The following OTOG variants were observed in gnomAD, a reference collection of about 807,000 sequenced individuals.
The protein encoded by OTOG is otogelin.
A neutral mutation model predicts 313.8 loss-of-function variants in OTOG; 296 were observed. That is an observed-to-expected ratio of 0.94 (90% CI 0.86 to 1.04). OTOG has a LOEUF of 1.04. OTOG is among the 50% of genes least tolerant of loss of function. The probability of loss-of-function intolerance (pLI) is 0.00; values close to 1 mark genes in which losing one functional copy is unlikely to be tolerated. For missense variants in OTOG, 3,948 were observed against 3,840.1 expected (o/e 1.03, Z -0.74); for synonymous variants, 1,533 against 1,554.9 (o/e 0.99, Z 0.33).
At chr11:17,555,312 G>T (rs1299459545) in intron 6 of OTOG, among the ~76,000 whole-genome samples, 1 of 152,110 alleles carries the variant, frequency 6.6e-6, no homozygotes, top group Non-Finnish European at 1.5e-5. Context: ...GGGCATGGGG[G>T]AAGGGGAGTG....
rs764439865 is a variant in OTOG at position 17,608,400 on chromosome 11, C to T, written c.4261C>T (p.Arg1421Trp). Residue 1421 changes from arginine to tryptophan, a missense_variant, in exon 34 of 56, where the codon CGG becomes TGG. Arg to Trp is a moderately radical substitution (Grantham distance 101). Transcript: ENST00000399397. ...TCRDPRAASC[R>W]DVPRVEGCVP... ...CCGGGACCCACGGGCAGCCAGCTGC[C>T]GGGACGTACCCAGGTGAGATGCCAG... 3.3e-4 allele frequency: 515 copies of T among 1,541,278 alleles called. No individual in the cohort carries two copies. The highest frequency in any genetic ancestry group is 4.3e-4 in the Non-Finnish European group (496 of 1,143,288).
In OTOG at chr11:17,586,459, G is replaced by T. The variant is rs1223190797; in HGVS notation, c.2760-15G>T. 1 of 1,349,318 alleles carries T rather than the reference G, an allele frequency of 7.4e-7. No individual in the cohort carries two copies. The highest frequency in any genetic ancestry group is 9.6e-7 in the Non-Finnish European group (1 of 1,040,230). The allele number at this position is 1,349,318 out of a possible 1,614,324, so 83.6% of individuals were successfully genotyped here. On this transcript the variant is annotated splice_polypyrimidine_tract_variant and intron_variant, in intron 23 of 55. Coordinates refer to ENST00000399397, the MANE Select transcript of OTOG (RefSeq NM_001292063.2). ...AGAGTGCTCTCCTGACCGCCTGCTT[G>T]CTGTGTCTCTACAGTCTGCTCAGAC...
rs1015941658 is a variant in OTOG at position 17,610,006 on chromosome 11, C to T, written c.4706C>T (p.Ser1569Phe). The change falls in exon 36 of 56, where the codon TCC becomes TTC. Residue 1569 changes from serine (S) to phenylalanine (F), a missense_variant. Coordinates refer to ENST00000399397, the MANE Select transcript of OTOG (RefSeq NM_001292063.2). ...LAIPHTPESS[S>F]LPVALQTPTP... The stretch of plus-strand genomic sequence containing the variant: ...ATCCCCCATACACCAGAGTCCTCAT[C>T]CCTCCCTGTTGCACTGCAGACACCC... 4 of 1,544,632 alleles carry T rather than the reference C, an allele frequency of 2.6e-6. No individual in the cohort carries two copies. Among genetic ancestry groups the T allele is most frequent in the Non-Finnish European group, 3.5e-6 (4 of 1,142,986 alleles).
chr11:17,629,161 C>A lies in OTOG; in HGVS notation c.6557C>A (p.Pro2186Gln), dbSNP rs1378589202. The A allele has an allele frequency of 6.5e-7, 1 of 1,550,288 alleles. No homozygotes were observed. The highest frequency in any genetic ancestry group is 1.4e-5 in the African/African-American group (1 of 73,012). The change falls in exon 40 of 56, where the codon CCA becomes CAA. Residue 2186 changes from proline (P) to glutamine (Q), a missense_variant. Transcript: ENST00000399397. Reference protein sequence around the residue: ...KVTVDLQPVWPPVSRYGFRIE... With the variant: ...KVTVDLQPVWQPVSRYGFRIE... Reference sequence around the variant, plus strand: ...ACTGTGGACTTGCAGCCTGTGTGGCCACCGGTGAGCAGGTATGGATTCAGA... The same window carrying A: ...ACTGTGGACTTGCAGCCTGTGTGGCAACCGGTGAGCAGGTATGGATTCAGA...
In OTOG at chr11:17,605,699, G is replaced by A. The variant is rs578065272; in HGVS notation, c.3878-158G>A. 6.6e-5 allele frequency among the ~76,000 whole-genome samples: 10 copies of A among 152,256 alleles called. No individual in the cohort carries two copies. In the South Asian group the frequency reaches 1.5e-3, roughly 22 times the overall value. On this transcript the variant is annotated intron_variant, in intron 32 of 55. Transcript: ENST00000399397. ...GTGTGAGGGGCAGCTGGCAGGCAGA[G>A]TAGGTGGGCTGGGGGCTGGTGTAGG... is the stretch of plus-strand genomic sequence containing the variant.
chr11:17,551,954 C>T (rs1055083145), intron 3 of OTOG, 46 bp from the exon 4 acceptor site: 1 of 1,525,566 alleles, frequency 6.6e-7, no homozygotes, highest in Non-Finnish European at 8.9e-7. Context: ...GGGAACCCGT[C>T]CTGAGGTCAG....
At chr11:17,586,826 T>G (rs1852804932) in intron 24 of OTOG, among the ~76,000 whole-genome samples, 2 of 152,238 alleles carry the variant, frequency 1.3e-5, no homozygotes, top group Non-Finnish European at 2.9e-5. Flanking sequence ...ACATGCATAT[T>G]TGTAACCATG....
chr11:17,572,410 C>T (rs1852424467), intron 18 of OTOG, among the ~76,000 whole-genome samples: 1 of 152,218 alleles, frequency 6.6e-6, no homozygotes, highest in South Asian at 2.1e-4. Flanking sequence ...ATCAGATATA[C>T]ACACACACCT....
rs372605187 is a variant in OTOG at position 17,624,653 on chromosome 11, T to C, written c.6529-4480T>C. On this transcript the variant is annotated intron_variant, in intron 39 of 55. Transcript: ENST00000399397. Reference sequence around the variant, plus strand: ...CTATTCGGGCTCATTTTTGGTTCCATATGAATTTTAAAATAGTTTTTTTTT... The same window carrying C: ...CTATTCGGGCTCATTTTTGGTTCCACATGAATTTTAAAATAGTTTTTTTTT... Among the ~76,000 whole-genome samples the C allele has an allele frequency of 4.6e-5, 7 of 152,224 alleles. No individual in the cohort carries two copies. The East Asian group carries it at 1.3e-3, about 29-fold the overall frequency.
rs539771948 is a variant in OTOG at position 17,634,400 on chromosome 11, G to A, written c.7480+119G>A. 35 of 1,131,912 alleles carry A rather than the reference G, an allele frequency of 3.1e-5. 2 individuals are homozygous for A. The African/African-American group carries it at 4.5e-4, about 14-fold the overall frequency. 70.1% of individuals were successfully genotyped at this position (1,131,912 alleles called of 1,614,324 possible). The stretch of plus-strand genomic sequence containing the variant: ...TAGGAAAAGCAAAGTGTCTTGTAGG[G>A]GGTGAGCTTGGAGGAGGGGAGAACC... On this transcript the variant is annotated intron_variant, in intron 44 of 55. Coordinates refer to ENST00000399397, the MANE Select transcript of OTOG (RefSeq NM_001292063.2).
At chr11:17,570,122 T>C in intron 16 of OTOG, 91 bp from the exon 17 acceptor site, 3 of 1,196,704 alleles carry the variant, frequency 2.5e-6, no homozygotes, top group Non-Finnish European at 3.5e-6. Context: ...GGGCCGGGCG[T>C]GGGAGTCTGA....
intron 24 of OTOG, 146 bp downstream of exon 24, chr11:17,586,727 T>A (rs1852802394): frequency 2.2e-6 from 1 of 445,786 alleles, no homozygotes; most frequent in Non-Finnish European, 3.9e-6. Context: ...GGTATAGGGG[T>A]TTGTGTACAC....
intron 10 of OTOG, 119 bp downstream of exon 10, chr11:17,558,763 A>G (rs925635366): frequency 1.9e-5 from 21 of 1,108,998 alleles, no homozygotes; most frequent in Non-Finnish European, 1.6e-5. Context: ...AAGGCTCTGA[A>G]ATTCTTATCT....
intron 13 of OTOG, 85 bp from the exon 14 acceptor site, chr11:17,561,006 T>C: frequency 1.4e-6 from 2 of 1,434,424 alleles, no homozygotes; most frequent in Non-Finnish European, 1.9e-6. Context: ...ATGGGAAGAC[T>C]GAGGGCTGTG....
intron 22 of OTOG, among the ~76,000 whole-genome samples, chr11:17,577,740 G>A (rs1216361313): frequency 6.6e-6 from 1 of 152,078 alleles, no homozygotes; most frequent in Non-Finnish European, 1.5e-5. Flanking sequence ...CTGTGCCTAT[G>A]CCTTTCTCTC....
chr11:17,639,701 A>G (rs1352169052), intron 49 of OTOG, among the ~76,000 whole-genome samples: 2 of 152,240 alleles, frequency 1.3e-5, no homozygotes, highest in Non-Finnish European at 2.9e-5. Flanking sequence ...GATGAAAATT[A>G]TCATGAAGAT....
chr11:17,608,399 C>T lies in OTOG; in HGVS notation c.4260C>T (p.Cys1420=), dbSNP rs552272001. ...GCCGGGACCCACGGGCAGCCAGCTG[C>T]CGGGACGTACCCAGGTGAGATGCCA... is the stretch of plus-strand genomic sequence containing the variant. ...QTCRDPRAAS[C]RDVPRVEGCV... is the part of the protein sequence containing the mutation. The change falls in exon 34 of 56, where the codon TGC becomes TGT. Residue 1420 remains cysteine (C), a synonymous_variant. Transcript: ENST00000399397. 1.2e-5 allele frequency: 18 copies of T among 1,541,874 alleles called. No individual in the cohort carries two copies. In the African/African-American group the frequency reaches 1.8e-4, roughly 15 times the overall value.
intron 23 of OTOG, among the ~76,000 whole-genome samples, chr11:17,579,142 A>G (rs1852608568): frequency 6.6e-6 from 1 of 152,042 alleles, no homozygotes; most frequent in Non-Finnish European, 1.5e-5. Context: ...TCTCATTCCC[A>G]GGTCTGGGCT....
chr11:17,583,720 C>T (rs1219401701), intron 23 of OTOG, among the ~76,000 whole-genome samples: 1 of 152,026 alleles, frequency 6.6e-6, no homozygotes, highest in East Asian at 1.9e-4. Flanking sequence ...ATTTATGGAG[C>T]TTTATAGTAA....
Sources: gnomAD v4.1 joint callset for allele counts (sites outside exome capture counted in the v4.1 genomes callset) on GRCh38, gnomAD v4.1.1 for gene constraint, MANE v1.5 for transcripts, NCBI Gene and HGNC (gene_info 2026-07-23, HGNC 2026-07-21) for gene names.